Variants in FAM117B observed in about 807,000 individuals in gnomAD.
The protein encoded by FAM117B is family with sequence similarity 117 member B.
A neutral mutation model predicts 52.8 loss-of-function variants in FAM117B; 22 were observed. The ratio of observed to expected loss-of-function variants is 0.42; its 90% CI spans 0.30 to 0.59. The LOEUF is 0.59. Among genes scored for constraint, FAM117B ranks in the 20% least tolerant of loss-of-function variants. The probability of loss-of-function intolerance (pLI) is 0.22; values close to 1 mark genes in which losing one functional copy is unlikely to be tolerated. For synonymous variants in FAM117B, 309 were observed against 324.1 expected (o/e 0.95, Z 0.50); for missense variants, 678 against 802.6 (o/e 0.84, Z 1.88).
intron 4 of FAM117B, among the ~76,000 whole-genome samples, chr2:202,749,837 T>A (rs1354690620): frequency 1.3e-5 from 2 of 152,142 alleles, no homozygotes; most frequent in African/African-American, 4.8e-5. Flanking sequence ...CAGGGCAGAC[T>A]TTTTATGGAC....
intron 2 of FAM117B, among the ~76,000 whole-genome samples, chr2:202,703,820 T>G (rs1432158079): frequency 6.6e-6 from 1 of 152,244 alleles, no homozygotes; most frequent in African/African-American, 2.4e-5. Flanking sequence ...TTCAGTTCCT[T>G]TCGATATATA....
intron 1 of FAM117B, among the ~76,000 whole-genome samples, chr2:202,641,641 C>CTT (rs36085021): frequency 7.1e-6 from 1 of 140,204 alleles, no homozygotes; most frequent in Non-Finnish European, 1.6e-5. Flanking sequence ...ATTTTATTTT[C>CTT]TTTTTTTTTT....
intron 4 of FAM117B, among the ~76,000 whole-genome samples, chr2:202,729,652 A>G (rs893463435): frequency 6.6e-6 from 1 of 152,198 alleles, no homozygotes; most frequent in Non-Finnish European, 1.5e-5. Context: ...ATGCAACAGA[A>G]GATGTGTTTA....
chr2:202,698,717 C>A (rs1474956254), intron 2 of FAM117B, among the ~76,000 whole-genome samples: 1 of 152,180 alleles, frequency 6.6e-6, no homozygotes, highest in Non-Finnish European at 1.5e-5. Context: ...GCCACCGCGC[C>A]CAGCCTAAAA....
Position 202,711,901 on chromosome 2 carries a change from T to TAG in FAM117B, c.754-13015_754-13014insGA, listed in dbSNP as rs1262504038. On this transcript the variant is annotated intron_variant, in intron 2 of 7. Transcript: ENST00000392238. The stretch of plus-strand genomic sequence containing the variant: ...TTCTCTCTTCTATTCCACTGACCTC[T>TAG]ATGTGTCTGTTTGTATGCCAATACC... 5.3e-5 allele frequency among the ~76,000 whole-genome samples: 8 copies of TAG among 152,308 alleles called. No individual in the cohort carries two copies. In the East Asian group the frequency reaches 9.6e-4, roughly 18 times the overall value.
chr2:202,642,855 C>T (rs1207243239), intron 1 of FAM117B, among the ~76,000 whole-genome samples: 1 of 152,014 alleles, frequency 6.6e-6, no homozygotes, highest in Non-Finnish European at 1.5e-5. Context: ...AGGAAACAAG[C>T]ATTTTTAAGG....
intron 1 of FAM117B, among the ~76,000 whole-genome samples, chr2:202,644,484 C>T (rs1159737903): frequency 6.6e-6 from 1 of 152,122 alleles, no homozygotes; most frequent in African/African-American, 2.4e-5. Context: ...CAAATTAGCT[C>T]ATTGATCTCT....
Position 202,684,521 on chromosome 2 carries a change from C to T in FAM117B, c.602-11360C>T, listed in dbSNP as rs563517656. On this transcript the variant is annotated intron_variant, in intron 1 of 7. Transcript: ENST00000392238. ...TATAAACAAATGTCCTTTTCGTGAT[C>T]GTGCCATATTTTTCAGATTTTTTGC... 3.5e-3 allele frequency among the ~76,000 whole-genome samples: 534 copies of T among 152,178 alleles called. 2 individuals are homozygous for T. The highest frequency in any genetic ancestry group is 0.012 in the African/African-American group (510 of 41,510).
At chr2:202,696,410 G>C (rs1690712990) in intron 2 of FAM117B, among the ~76,000 whole-genome samples, 1 of 151,954 alleles carries the variant, frequency 6.6e-6, no homozygotes, top group Admixed American at 6.6e-5. Context: ...TAACACTAAT[G>C]AGCTTAAAAA....
At chr2:202,729,578 G>A (rs1269595852) in intron 4 of FAM117B, among the ~76,000 whole-genome samples, 1 of 152,118 alleles carries the variant, frequency 6.6e-6, no homozygotes, top group Non-Finnish European at 1.5e-5. Flanking sequence ...TCATATTAAA[G>A]AGATATGAGT....
At chr2:202,745,355 C>G (rs189921962) in intron 4 of FAM117B, among the ~76,000 whole-genome samples, 18 of 151,772 alleles carry the variant, frequency 1.2e-4, no homozygotes, top group Non-Finnish European at 2.4e-4. Flanking sequence ...CTAGGTCAGC[C>G]CTACAAGGAA....
rs1488420339 is a variant in FAM117B, at chr2:202,635,117, G to A, written c.-71G>A. 4 of 1,251,206 alleles carry A rather than the reference G, an allele frequency of 3.2e-6. No homozygotes were observed. Among genetic ancestry groups the A allele is most frequent in the African/African-American group, 1.6e-5 (1 of 64,176 alleles). The allele number at this position is 1,251,206 out of a possible 1,614,324, so 77.5% of individuals were successfully genotyped here. A position where few individuals can be genotyped will look rare whatever the true frequency, so the allele number is the denominator to read the frequency against. ...TGGGGGGCCTGCCCTCCGGCCTCGA[G>A]AATCCTCCCCCTGCAGCCCAACAAC... is the stretch of plus-strand genomic sequence containing the variant. On this transcript the variant is annotated 5_prime_UTR_variant, in exon 1 of 8. Coordinates refer to ENST00000392238, the MANE Select transcript of FAM117B (RefSeq NM_173511.4).
At chr2:202,672,974 G>T (rs1257976195) in intron 1 of FAM117B, among the ~76,000 whole-genome samples, 1 of 152,184 alleles carries the variant, frequency 6.6e-6, no homozygotes. Flanking sequence ...CTTGAGCCTG[G>T]AAGGTCGAGG....
intron 2 of FAM117B, among the ~76,000 whole-genome samples, chr2:202,706,233 G>A (rs1001685821): frequency 6.6e-6 from 1 of 152,074 alleles, no homozygotes; most frequent in Non-Finnish European, 1.5e-5. Flanking sequence ...GCATAAACCA[G>A]TCATCTTTTG....
chr2:202,683,813 T>C (rs1690497800), intron 1 of FAM117B, among the ~76,000 whole-genome samples: 1 of 152,126 alleles, frequency 6.6e-6, no homozygotes, highest in South Asian at 2.1e-4. Flanking sequence ...GAGGTAGTAT[T>C]ATTCCAATAC....
chr2:202,663,580 CT>C (rs11368989), intron 1 of FAM117B, among the ~76,000 whole-genome samples: 67 of 138,896 alleles, frequency 4.8e-4, no homozygotes, highest in South Asian at 1.3e-3. Flanking sequence ...CACATTAAGC[CT>C]TTTTTTTTTT....
At chr2:202,695,380 C>T (rs754791271) in intron 1 of FAM117B, among the ~76,000 whole-genome samples, 2 of 151,960 alleles carry the variant, frequency 1.3e-5, no homozygotes, top group Non-Finnish European at 2.9e-5. Context: ...AGTAGGGTGA[C>T]GAAATGTCTT....
chr2:202,650,461 G>A (rs1689939771), intron 1 of FAM117B, among the ~76,000 whole-genome samples: 2 of 152,120 alleles, frequency 1.3e-5, no homozygotes, highest in Non-Finnish European at 2.9e-5. Context: ...GGACGATAAA[G>A]GAAAAGGCTC....
chr2:202,637,607 T>A (rs945962511), intron 1 of FAM117B, among the ~76,000 whole-genome samples: 1 of 152,210 alleles, frequency 6.6e-6, no homozygotes, highest in African/African-American at 2.4e-5. Flanking sequence ...AGTACTAGAT[T>A]TCCCCTCCCT....
Sources: allele counts gnomAD v4.1 joint callset (sites outside exome capture counted in the v4.1 genomes callset), GRCh38; gene constraint gnomAD v4.1.1; transcripts MANE v1.5; gene names NCBI Gene and HGNC (gene_info 2026-07-23, HGNC 2026-07-21).